The following IL17RD variants were observed in gnomAD, a reference collection of about 807,000 sequenced individuals.
The protein encoded by IL17RD is interleukin-17 receptor D.
Under a neutral mutation model 80.5 loss-of-function variants are expected in IL17RD, and 52 were observed. That is an observed-to-expected ratio of 0.65 (90% CI 0.52 to 0.81). The LOEUF (loss-of-function observed/expected upper bound fraction) is 0.81, where lower values mean the gene tolerates loss of function less well. Among genes scored for constraint, IL17RD ranks in the 40% least tolerant of loss-of-function variants. The pLI, the probability that IL17RD is intolerant of heterozygous loss-of-function variation, is 0.00. For synonymous variants in IL17RD, 416 were observed against 391.8 expected, an observed-to-expected ratio of 1.06 and a Z score of -0.73; for missense variants, 1,024 against 955.1, an observed-to-expected ratio of 1.07 and a Z score of -0.95.
At chr3:57,129,877 TTCTC>T (rs1707571047) in intron 1 of IL17RD, among the ~76,000 whole-genome samples, 1 of 152,182 alleles carries the variant, frequency 6.6e-6, no homozygotes, top group African/African-American at 2.4e-5. Flanking sequence ...TTCCCCCACT[TTCTC>T]TAGGAAGGAG....
rs777804018 is a variant in IL17RD, at chr3:57,097,812, C to G, written c.1891G>C (p.Gly631Arg). The G allele has an allele frequency of 6.2e-7, 1 of 1,607,494 alleles. No individual in the cohort carries two copies. Among genetic ancestry groups the G allele is most frequent in the Non-Finnish European group, 8.5e-7 (1 of 1,176,928 alleles). ...ESQHGGLDQDGEARPALDGSA... is the reference protein window; with the variant it reads ...ESQHGGLDQDREARPALDGSA... ...CCGTCAAGGGCAGGCCGGGCCTCCC[C>G]GTCTTGGTCCAGGCCCCCATGCTGA... The change falls in exon 12 of 13, where the codon GGG becomes CGG. Residue 631 changes from glycine (G) to arginine (R), a missense_variant. By Grantham distance (125) the Gly-to-Arg change is moderately radical. Coordinates refer to ENST00000296318, the MANE Select transcript of IL17RD (RefSeq NM_017563.5).
At position 57,091,363 on chromosome 3, in the gene IL17RD, T is replaced by G. The variant is rs952727480; in HGVS notation, c.*5030A>C. ...GGGGAAAAATGTGGCAGTCAAATAA[T>G]TCTCAATGAATATAGGTGACATATC... is the stretch of plus-strand genomic sequence containing the variant. On this transcript the variant is annotated 3_prime_UTR_variant, in exon 13 of 13. Transcript: ENST00000296318. 4 of 152,400 alleles carry G rather than the reference T, an allele frequency of 2.6e-5. No individual in the cohort carries two copies. Among genetic ancestry groups the G allele is most frequent in the African/African-American group, 7.3e-5 (3 of 41,262 alleles). The allele number at this position is 152,400 out of a possible 1,614,324, so 9.4% of individuals were successfully genotyped here.
At chr3:57,096,964 C>G (rs1706691766) in intron 12 of IL17RD, among the ~76,000 whole-genome samples, 1 of 148,534 alleles carries the variant, frequency 6.7e-6, no homozygotes, top group Non-Finnish European at 1.5e-5. Context: ...GAGCTGAGAT[C>G]ATGCCATTGC....
chr3:57,146,029 T>TCAAGCG (rs1553627607), intron 1 of IL17RD, among the ~76,000 whole-genome samples: 2 of 136,468 alleles, frequency 1.5e-5, no homozygotes, highest in Admixed American at 1.5e-4. Flanking sequence ...ACACACACAC[T>TCAAGCG]CACGCGCGCG....
At position 57,110,180 on chromosome 3, in the gene IL17RD, C is replaced by T; in HGVS notation, c.429+13G>A. On this transcript the variant is annotated intron_variant, in intron 4 of 12. Transcript: ENST00000296318. ...GGCATGTCTTCAGGAGCACGTTCCC[C>T]AGTGTGACTTACAGTTCTTTTGAAG... 1.9e-6 allele frequency: 3 copies of T among 1,577,584 alleles called. No individual in the cohort carries two copies. Among genetic ancestry groups the T allele is most frequent in the Non-Finnish European group, 2.6e-6 (3 of 1,160,248 alleles).
intron 1 of IL17RD, among the ~76,000 whole-genome samples, chr3:57,152,908 G>T (rs2060238126): frequency 1.3e-5 from 2 of 152,098 alleles, no homozygotes; most frequent in African/African-American, 2.4e-5. Flanking sequence ...GCTGAATTTT[G>T]GTGTGAGGAA....
intron 9 of IL17RD, 69 bp from the exon 10 acceptor site, chr3:57,102,658 T>C: frequency 1.3e-6 from 1 of 751,830 alleles, no homozygotes; most frequent in South Asian, 2.4e-5. Flanking sequence ...ACAACTTTTT[T>C]TCTTTTTAAA....
chr3:57,105,108 T>A (rs1227807038), intron 7 of IL17RD, among the ~76,000 whole-genome samples: 1 of 152,152 alleles, frequency 6.6e-6, no homozygotes, highest in African/African-American at 2.4e-5. Flanking sequence ...GCAAGCCAGG[T>A]GACATCCCTG....
At chr3:57,109,695 A>G (rs775981474) in intron 4 of IL17RD, 38 bp from the exon 5 acceptor site, 1 of 1,599,092 alleles carries the variant, frequency 6.3e-7, no homozygotes, top group Admixed American at 1.7e-5. Flanking sequence ...TCATGGAGAA[A>G]TTACCCACCC....
rs942489486 is a variant in IL17RD at position 57,114,706 on chromosome 3, G to T, written c.296C>A (p.Ser99Tyr). The T allele has an allele frequency of 3.1e-6, 5 of 1,610,902 alleles. No homozygotes were observed. The Middle Eastern group carries it at 6.6e-4, about 213-fold the overall frequency. Residue 99 changes from serine to tyrosine, a missense_variant, in exon 3 of 13, where the codon TCC becomes TAC. Coordinates refer to ENST00000296318, the MANE Select transcript of IL17RD (RefSeq NM_017563.5). ...HDQVAVTILW[S>Y]PGALGIEFLK... ...TGACCACTCACCGAGGGCCCCTGGG[G>T]ACCAAAGAATGGTGACTGCCACTTG... is the stretch of plus-strand genomic sequence containing the variant.
At position 57,092,413 on chromosome 3, in the gene IL17RD, C is replaced by G; in HGVS notation, c.*3980G>C. The G allele has an allele frequency of 6.6e-6, 1 of 152,500 alleles. No individual in the cohort carries two copies. The allele number at this position is 152,500 out of a possible 1,614,324, so 9.4% of individuals were successfully genotyped here. ...ATCATCCTGGCTAACACAGTGAAAC[C>G]CCGTCTCTACTAAAAATACAAAAAA... On this transcript the variant is annotated 3_prime_UTR_variant, in exon 13 of 13. Coordinates refer to ENST00000296318, the MANE Select transcript of IL17RD (RefSeq NM_017563.5).
At chr3:57,154,281 T>TACACAC (rs1333665315) in intron 1 of IL17RD, among the ~76,000 whole-genome samples, 3 of 133,126 alleles carry the variant, frequency 2.3e-5, no homozygotes, top group South Asian at 2.3e-4. Context: ...TATATATATA[T>TACACAC]ATACACACAC....
chr3:57,163,555 C>T (rs187330921), intron 1 of IL17RD, among the ~76,000 whole-genome samples: 1 of 151,466 alleles, frequency 6.6e-6, no homozygotes, highest in Non-Finnish European at 1.5e-5. Flanking sequence ...CATGAACACT[C>T]AAAATAAAAC....
At chr3:57,114,013 A>T (rs1707157056) in intron 3 of IL17RD, among the ~76,000 whole-genome samples, 1 of 151,740 alleles carries the variant, frequency 6.6e-6, no homozygotes, top group Admixed American at 6.6e-5. Context: ...GTGAAACCCC[A>T]TCTCTACTAA....
At chr3:57,110,041 G>T (rs1707058958) in intron 4 of IL17RD, among the ~76,000 whole-genome samples, 152 bp downstream of exon 4, 1 of 152,214 alleles carries the variant, frequency 6.6e-6, no homozygotes, top group South Asian at 2.1e-4. Flanking sequence ...GCGTGGAGCA[G>T]GCTCAAGGTG....
chr3:57,094,684 T>C lies in IL17RD; in HGVS notation c.*1709A>G, dbSNP rs1245625374. On this transcript the variant is annotated 3_prime_UTR_variant, in exon 13 of 13. Coordinates refer to ENST00000296318, the MANE Select transcript of IL17RD (RefSeq NM_017563.5). ...AGCAAGTTTGGACTAACCAATCTCC[T>C]TCACAGAATGCCTAGGATGAAATGG... The C allele has an allele frequency of 2.0e-5, 3 of 152,244 alleles. No homozygotes were observed. The highest frequency in any genetic ancestry group is 2.9e-5 in the Non-Finnish European group (2 of 68,052). 9.4% of individuals were successfully genotyped at this position (152,244 alleles called of 1,614,324 possible). A position where few individuals can be genotyped will look rare whatever the true frequency, so the allele number is the denominator to read the frequency against.
At chr3:57,096,820 G>A (rs866359116) in intron 12 of IL17RD, among the ~76,000 whole-genome samples, 171 of 152,186 alleles carry the variant, frequency 1.1e-3, no homozygotes, top group African/African-American at 3.8e-3. Context: ...GACCAGCCTG[G>A]CCAACATGGT....
intron 11 of IL17RD, 139 bp from the exon 12 acceptor site, chr3:57,098,677 C>A: frequency 1.6e-6 from 1 of 639,434 alleles, no homozygotes; most frequent in Non-Finnish European, 2.7e-6. Context: ...TGTGCAGGCT[C>A]CAGGTTACAC....
intron 1 of IL17RD, among the ~76,000 whole-genome samples, chr3:57,144,257 CCT>C (rs10571102): frequency 0.093 from 14,126 of 152,074 alleles, 2,195 homozygotes; most frequent in African/African-American, 0.32. Flanking sequence ...TACTCTAGGG[CCT>C]GTTATCACAC....
Sources: gnomAD v4.1 joint callset for allele counts (sites outside exome capture counted in the v4.1 genomes callset) on GRCh38, gnomAD v4.1.1 for gene constraint, MANE v1.5 for transcripts, NCBI Gene and HGNC (gene_info 2026-07-23, HGNC 2026-07-21) for gene names.